SASH1: variants seen among roughly 807,000 people sequenced by gnomAD.
SASH1 encodes the protein SAM and SH3 domain-containing protein 1.
SASH1 carries 44 observed loss-of-function variants against 125.2 expected under a neutral mutation model. That is an observed-to-expected ratio of 0.35 (90% confidence interval 0.28 to 0.45). The LOEUF (loss-of-function observed/expected upper bound fraction) is 0.45, where lower values mean the gene tolerates loss of function less well. Among genes scored for constraint, SASH1 ranks in the 20% least tolerant of loss-of-function variants. The pLI, the probability that SASH1 is intolerant of heterozygous loss-of-function variation, is 1.00. For synonymous variants in SASH1, 639 were observed against 649.1 expected, an observed-to-expected ratio of 0.98 and a Z score of 0.24; for missense variants, 1,426 against 1,614.5, an observed-to-expected ratio of 0.88 and a Z score of 2.00.
chr6:148,246,444 C>T, the SASH1 span, among the ~76,000 whole-genome samples: 2 of 152,178 alleles, frequency 1.3e-5, no homozygotes, highest in African/African-American at 4.8e-5. Context: ...GTGACAGCAT[C>T]AATACCATTC....
At chr6:148,437,957 CA>C (rs977771445) in intron 2 of SASH1, among the ~76,000 whole-genome samples, 4 of 151,890 alleles carry the variant, frequency 2.6e-5, no homozygotes, top group African/African-American at 7.3e-5. Flanking sequence ...AAAATCTATT[CA>C]AAAAAATGCA....
In SASH1 at chr6:148,302,184, G is replaced by A. The variant is rs567453093; in HGVS notation, n.74+29807G>A. Among the ~76,000 whole-genome samples, 330 of 150,922 alleles carry A rather than the reference G, an allele frequency of 2.2e-3. 1 individual carries two copies. Among genetic ancestry groups the A allele is most frequent in the African/African-American group, 7.6e-3 (315 of 41,188 alleles). On this transcript the variant is annotated intron_variant and non_coding_transcript_variant, in intron 1 of 3. Coordinates refer to the SASH1 transcript ENST00000367469. ...CAAAAAATTAGCCGGGCGTGGTGGCGGGCGCCTGTAGTCCCAGCTACTCGG... is the reference window on the plus strand; with the variant it reads ...CAAAAAATTAGCCGGGCGTGGTGGCAGGCGCCTGTAGTCCCAGCTACTCGG...
intron 10 of SASH1, chr6:148,524,935 G>C: frequency 4.3e-6 from 1 of 232,970 alleles, no homozygotes; most frequent in Non-Finnish European, 8.5e-6. Context: ...GAATGTAGCT[G>C]ATGTTAGGGG....
upstream of SASH1, among the ~76,000 whole-genome samples, chr6:148,269,624 T>A (rs1010587284): frequency 2.0e-5 from 3 of 152,206 alleles, no homozygotes; most frequent in African/African-American, 7.2e-5. Context: ...GATTGCATGT[T>A]TGATTGCATT....
chr6:148,253,184 T>C, the SASH1 span, among the ~76,000 whole-genome samples: 48 of 152,278 alleles, frequency 3.2e-4, no homozygotes, highest in East Asian at 5.4e-3. Context: ...TTTCAAAACT[T>C]ACTACAACGC....
intron 1 of SASH1, among the ~76,000 whole-genome samples, chr6:148,299,534 G>GTGC (rs1329029775): frequency 2.6e-5 from 4 of 151,702 alleles, no homozygotes; most frequent in Non-Finnish European, 5.9e-5. Context: ...GGGCATAGTG[G>GTGC]TGCACGTCTG....
In SASH1 at chr6:148,345,092, C is replaced by A. The variant is rs1424245641; in HGVS notation, c.156+1869C>A. The stretch of plus-strand genomic sequence containing the variant: ...TTATCCTGTTATTTCTTGTCTAGAT[C>A]CAGTTCTAAGTTTTCAGTCACTGAG... On this transcript the variant is annotated intron_variant, in intron 1 of 19. Coordinates refer to ENST00000367467, the MANE Select transcript of SASH1 (RefSeq NM_015278.5). Among the ~76,000 whole-genome samples, 7 of 152,272 alleles carry A rather than the reference C, an allele frequency of 4.6e-5. No individual in the cohort carries two copies. The South Asian group carries it at 8.3e-4, about 18-fold the overall frequency.
chr6:148,550,388 T>C lies in SASH1; in HGVS notation c.*1830T>C, dbSNP rs888123571. ...TTGGGTTGGAGGGGAAGTGATTTCA[T>C]AAATTAATTAGAAAGCCATCTTTAG... On this transcript the variant is annotated 3_prime_UTR_variant, in exon 20 of 20. Transcript: ENST00000367467. The C allele has an allele frequency of 2.0e-5, 3 of 152,370 alleles. No individual in the cohort carries two copies. Among genetic ancestry groups the C allele is most frequent in the Middle Eastern group, 6.8e-3 (2 of 294 alleles). The allele number at this position is 152,370 out of a possible 1,614,324, so 9.4% of individuals were successfully genotyped here.
chr6:148,377,148 C>T (rs1358023079), intron 1 of SASH1, among the ~76,000 whole-genome samples: 7 of 127,300 alleles, frequency 5.5e-5, no homozygotes, highest in Non-Finnish European at 9.4e-5. Flanking sequence ...CCAGCCTGGG[C>T]GACAGAGCGA....
At chr6:148,514,542 A>C in intron 9 of SASH1, 86 bp downstream of exon 9, 4 of 1,332,324 alleles carry the variant, frequency 3.0e-6, no homozygotes, top group Non-Finnish European at 3.9e-6. Context: ...GTTTCTCAGC[A>C]GAAAAGGGAT....
chr6:148,479,305 T>C (rs914549808), intron 7 of SASH1: 1 of 156,272 alleles, frequency 6.4e-6, no homozygotes, highest in African/African-American at 2.4e-5. Context: ...TGCCTTGGTC[T>C]CCCAAAGTGC....
At chr6:148,538,017 C>T (rs1218537526) in intron 16 of SASH1, among the ~76,000 whole-genome samples, 2 of 152,148 alleles carry the variant, frequency 1.3e-5, no homozygotes, top group African/African-American at 4.8e-5. Context: ...CCCACGCTGA[C>T]AAGTGTGGGA....
intron 1 of SASH1, among the ~76,000 whole-genome samples, chr6:148,363,927 A>G (rs1562353340): frequency 6.6e-6 from 1 of 152,228 alleles, no homozygotes; most frequent in Non-Finnish European, 1.5e-5. Context: ...TGGACATTTT[A>G]ATTAAACTCT....
chr6:148,242,320 C>A, the SASH1 span, among the ~76,000 whole-genome samples: 1 of 152,114 alleles, frequency 6.6e-6, no homozygotes, highest in Admixed American at 6.5e-5. Flanking sequence ...GGATGGAAAC[C>A]CTCTTTTTGG....
intron 1 of SASH1, among the ~76,000 whole-genome samples, chr6:148,350,036 G>A (rs1464311708): frequency 1.3e-5 from 2 of 151,894 alleles, no homozygotes; most frequent in South Asian, 2.1e-4. Flanking sequence ...TAGTAGAGAT[G>A]GGGTTTCACC....
At chr6:148,524,355 T>TA (rs1781008101) in intron 10 of SASH1, 1 of 151,874 alleles carries the variant, frequency 6.6e-6, no homozygotes. Flanking sequence ...TACTGATTTT[T>TA]AAAAAAGATA....
At chr6:148,438,932 T>C (rs976995351) in intron 2 of SASH1, among the ~76,000 whole-genome samples, 4 of 152,128 alleles carry the variant, frequency 2.6e-5, no homozygotes, top group African/African-American at 9.7e-5. Flanking sequence ...TGGATTCCTG[T>C]TCCTTATTTA....
intron 1 of SASH1, among the ~76,000 whole-genome samples, chr6:148,388,173 C>T (rs1783560044): frequency 6.6e-6 from 1 of 152,108 alleles, no homozygotes; most frequent in Non-Finnish European, 1.5e-5. Context: ...CCTCAGCCTC[C>T]CAAAGTGCTG....
chr6:148,480,817 T>C (rs1490740835), intron 7 of SASH1: 1 of 152,280 alleles, frequency 6.6e-6, no homozygotes, highest in Non-Finnish European at 1.5e-5. Context: ...GAAAAATCAC[T>C]GGAAAAGAAT....
Sources: allele counts gnomAD v4.1 joint callset (sites outside exome capture counted in the v4.1 genomes callset), GRCh38; gene constraint gnomAD v4.1.1; transcripts MANE v1.5; gene names NCBI Gene and HGNC (gene_info 2026-07-23, HGNC 2026-07-21).